Variants in RLF observed in about 807,000 individuals in gnomAD.
RLF encodes the protein RLF zinc finger.
A neutral mutation model predicts 162.9 loss-of-function variants in RLF; 7 were observed. That is an observed-to-expected ratio of 0.04 (90% CI 0.02 to 0.08). RLF has a LOEUF of 0.08. RLF is among the 10% of genes least tolerant of loss of function. The pLI is 1.00. For missense variants in RLF, 1,664 were observed against 2,244.7 expected, an observed-to-expected ratio of 0.74 and a Z score of 5.23; for synonymous variants, 782 against 791.5, an observed-to-expected ratio of 0.99 and a Z score of 0.20.
chr1:40,190,105 A>G (rs985129800), intron 2 of RLF, among the ~76,000 whole-genome samples: 4 of 151,896 alleles, frequency 2.6e-5, no homozygotes, highest in Non-Finnish European at 5.9e-5. Flanking sequence ...ACCAAGTCCT[A>G]GTTTCTGTTT....
intron 1 of RLF, among the ~76,000 whole-genome samples, chr1:40,183,955 A>G (rs1396661154): frequency 2.0e-5 from 3 of 152,214 alleles, no homozygotes; most frequent in Non-Finnish European, 4.4e-5. Flanking sequence ...TTAAATTGGA[A>G]TGTATTCTTT....
chr1:40,206,343 G>A (rs1288262524), intron 5 of RLF, among the ~76,000 whole-genome samples: 1 of 152,164 alleles, frequency 6.6e-6, no homozygotes, highest in Non-Finnish European at 1.5e-5. Flanking sequence ...AGCTAAAGTG[G>A]TTAAGCTGGG....
At chr1:40,172,737 T>C (rs925536687) in intron 1 of RLF, among the ~76,000 whole-genome samples, 3 of 152,108 alleles carry the variant, frequency 2.0e-5, no homozygotes, top group African/African-American at 7.2e-5. Context: ...CTGCACTCTA[T>C]CCTGGGCAAC....
rs1379424088 is a variant in RLF, at chr1:40,237,485, C to G, written c.2783C>G (p.Ser928Cys). ...HSETMQDVLLSNEKVFGPSSL... is the reference protein window; with the variant it reads ...HSETMQDVLLCNEKVFGPSSL... ...GAAACTATGCAGGATGTATTGTTATCTAATGAGAAAGTCTTTGGGCCCTCC... is the reference window on the plus strand; with the variant it reads ...GAAACTATGCAGGATGTATTGTTATGTAATGAGAAAGTCTTTGGGCCCTCC... Residue 928 changes from serine to cysteine, a missense_variant, in exon 8 of 8, where the codon TCT (serine) becomes TGT (cysteine). Around this residue, in one of 15 missense-constraint regions of RLF, gnomAD observed 295 missense variants for 317.4 expected, o/e 0.93. Coordinates refer to ENST00000372771, the MANE Select transcript of RLF (RefSeq NM_012421.4). This position sits in a 1 kb window ranked among gnomAD's most constrained non-coding sequence, Gnocchi z 4.4. 6.2e-7 allele frequency: 1 copy of G among 1,614,006 alleles called. No homozygotes were observed. The highest frequency in any genetic ancestry group is 2.2e-5 in the East Asian group (1 of 44,876).
intron 6 of RLF, among the ~76,000 whole-genome samples, chr1:40,229,938 A>T (rs1375564116): frequency 7.3e-5 from 11 of 151,230 alleles, no homozygotes; most frequent in Non-Finnish European, 1.6e-4. Flanking sequence ...AACATGGAGA[A>T]ACCCCATCTC....
chr1:40,224,103 T>G (rs1038836949), intron 6 of RLF, among the ~76,000 whole-genome samples: 1 of 152,176 alleles, frequency 6.6e-6, no homozygotes, highest in African/African-American at 2.4e-5. Context: ...TTTTCTCCCC[T>G]TCTTCAGTCA....
intron 1 of RLF, among the ~76,000 whole-genome samples, chr1:40,166,430 C>T (rs1473321614): frequency 6.6e-6 from 1 of 152,036 alleles, no homozygotes; most frequent in Non-Finnish European, 1.5e-5. Context: ...TTGTGGAAGA[C>T]AGTGTGGCGA....
chr1:40,228,001 T>TG (rs1250584840), intron 6 of RLF, among the ~76,000 whole-genome samples: 1 of 151,448 alleles, frequency 6.6e-6, no homozygotes, highest in South Asian at 2.1e-4. Flanking sequence ...AGGCTCCATC[T>TG]GGGGGGAAAA....
At chr1:40,175,431 A>G (rs1282745076) in intron 1 of RLF, among the ~76,000 whole-genome samples, 1 of 152,082 alleles carries the variant, frequency 6.6e-6, no homozygotes, top group African/African-American at 2.4e-5. Context: ...CAGGCGGATC[A>G]TGAGGTCAGG....
intron 1 of RLF, among the ~76,000 whole-genome samples, chr1:40,178,700 T>TC (rs1343901318): frequency 2.3e-4 from 34 of 149,672 alleles, no homozygotes; most frequent in South Asian, 1.9e-3. Context: ...TTTTTTTTTT[T>TC]CCCCAGAGAT....
intron 5 of RLF, among the ~76,000 whole-genome samples, chr1:40,213,410 G>T (rs1473952606): frequency 6.6e-6 from 1 of 152,184 alleles, no homozygotes; most frequent in Non-Finnish European, 1.5e-5. Context: ...GGGTTTAAAT[G>T]GAAGCATTGG....
chr1:40,219,112 T>C (rs939156130), intron 5 of RLF, among the ~76,000 whole-genome samples: 1 of 152,224 alleles, frequency 6.6e-6, no homozygotes, highest in African/African-American at 2.4e-5. Flanking sequence ...AGTGTGGTCT[T>C]AGGTATTTAT....
chr1:40,232,511 C>T (rs938195364), intron 7 of RLF, among the ~76,000 whole-genome samples: 5 of 152,060 alleles, frequency 3.3e-5, no homozygotes, highest in Non-Finnish European at 5.9e-5. Flanking sequence ...GTGGAAAATC[C>T]ACTTCAAAGC....
rs368583664 is a variant in RLF, at chr1:40,237,339, A to G, written c.2637A>G (p.Gln879=). ...DLFCAESANS[Q]IDTETAENLK... is the part of the protein sequence containing the mutation. ...TCTGTGCAGAATCAGCTAATTCTCA[A>G]ATAGATACAGAAACTGCAGAAAACC... is the stretch of plus-strand genomic sequence containing the variant. The change falls in exon 8 of 8, where the codon CAA becomes CAG. Residue 879 remains glutamine (Q), a synonymous_variant. Coordinates refer to ENST00000372771, the MANE Select transcript of RLF (RefSeq NM_012421.4). The surrounding 1 kb of genome is among the most constrained non-coding windows in gnomAD (Gnocchi z 4.4). 24 of 1,613,916 alleles carry G rather than the reference A, an allele frequency of 1.5e-5. No individual in the cohort carries two copies. The highest frequency in any genetic ancestry group is 4.0e-5 in the African/African-American group (3 of 74,932).
chr1:40,178,802 G>T (rs1326279234), intron 1 of RLF, among the ~76,000 whole-genome samples: 2 of 151,384 alleles, frequency 1.3e-5, no homozygotes, highest in Admixed American at 6.6e-5. Flanking sequence ...GGGATTACAG[G>T]CATGAGCCAC....
chr1:40,197,818 A>G (rs1642657460), intron 4 of RLF, among the ~76,000 whole-genome samples: 1 of 152,226 alleles, frequency 6.6e-6, no homozygotes, highest in South Asian at 2.1e-4. Flanking sequence ...ATTTCAGGTC[A>G]AAAGATTAAA....
At chr1:40,193,764 TGTGGGTGG>T (rs151253842) in intron 3 of RLF, among the ~76,000 whole-genome samples, 2,035 of 152,168 alleles carry the variant, frequency 0.013, 47 homozygotes, top group South Asian at 0.045. Context: ...TGGGTGGGTG[TGTGGGTGG>T]GTGTATATGT....
intron 4 of RLF, among the ~76,000 whole-genome samples, chr1:40,200,968 A>T (rs544281357): frequency 2.0e-5 from 2 of 99,760 alleles, no homozygotes; most frequent in African/African-American, 8.8e-5. Context: ...AACCATTGCT[A>T]CTCTACACAC....
chr1:40,214,330 T>G (rs939781656), intron 5 of RLF, among the ~76,000 whole-genome samples: 1 of 152,156 alleles, frequency 6.6e-6, no homozygotes, highest in African/African-American at 2.4e-5. Flanking sequence ...AAGATTAACT[T>G]TTTTAGAACT....
Sources: allele counts gnomAD v4.1 joint callset (sites outside exome capture counted in the v4.1 genomes callset), GRCh38; gene constraint gnomAD v4.1.1; regional missense constraint gnomAD v4.1.1; non-coding constraint Gnocchi (gnomAD v3.1); transcripts MANE v1.5; gene names NCBI Gene and HGNC (gene_info 2026-07-23, HGNC 2026-07-21).